The following BARD1 variants were observed in gnomAD, a reference collection of about 807,000 sequenced individuals.
BARD1 encodes the protein BRCA1 associated RING domain 1.
BARD1 carries 73 observed loss-of-function variants against 77.0 expected under a neutral mutation model. The ratio of observed to expected loss-of-function variants is 0.95; its 90% CI spans 0.79 to 1.15. The LOEUF (loss-of-function observed/expected upper bound fraction) is 1.15. BARD1 is among the 50% of genes most tolerant of loss of function. The pLI is 0.00. For synonymous variants in BARD1, 384 were observed against 338.0 expected, an observed-to-expected ratio of 1.14 and a Z score of -1.49; for missense variants, 993 against 938.8, an observed-to-expected ratio of 1.06 and a Z score of -0.75.
At chr2:214,742,399 T>C (rs942475891) in intron 9 of BARD1, among the ~76,000 whole-genome samples, 6 of 152,164 alleles carry the variant, frequency 3.9e-5, no homozygotes, top group Admixed American at 6.5e-5. Flanking sequence ...GAGAAATATA[T>C]ATTAGGAAAG....
chr2:214,776,702 C>A (rs951560940), intron 4 of BARD1, among the ~76,000 whole-genome samples: 1 of 152,096 alleles, frequency 6.6e-6, no homozygotes, highest in Non-Finnish European at 1.5e-5. Context: ...TGTCCACACA[C>A]GAATAATCCC....
At chr2:214,767,177 A>G (rs1314386262) in intron 6 of BARD1, among the ~76,000 whole-genome samples, 1 of 152,220 alleles carries the variant, frequency 6.6e-6, no homozygotes, top group African/African-American at 2.4e-5. Context: ...GTAGTTGCAT[A>G]GTATTCCATG....
chr2:214,761,260 C>T (rs950757884), intron 6 of BARD1, among the ~76,000 whole-genome samples: 5 of 147,814 alleles, frequency 3.4e-5, no homozygotes, highest in African/African-American at 1.3e-4. Context: ...ACATTCTATT[C>T]ATGTTCCAGA....
chr2:214,781,431 C>T lies in BARD1; in HGVS notation c.443G>A (p.Ser148Asn), dbSNP rs1220764138. Residue 148 changes from serine (S) to asparagine (N), a missense_variant, in exon 4 of 11, where the codon AGC becomes AAC. Physicochemically the swap from Ser to Asn is conservative, Grantham distance 46. Transcript: ENST00000260947. Reference sequence around the variant, plus strand: ...ATATCTGACTTTCTTACTTCGAGGGCTAAACCACATTTTAATTGAATTCTT... The same window carrying T: ...ATATCTGACTTTCTTACTTCGAGGGTTAAACCACATTTTAATTGAATTCTT... The part of the protein sequence containing the change: ...NKKNSIKMWF[S>N]PRSKKVRYVV... 4.3e-6 allele frequency: 7 copies of T among 1,613,442 alleles called. No individual in the cohort carries two copies. In the Admixed American group the frequency reaches 8.3e-5, roughly 19 times the overall value.
chr2:214,765,237 T>A (rs1694143008), intron 6 of BARD1, among the ~76,000 whole-genome samples: 1 of 152,146 alleles, frequency 6.6e-6, no homozygotes, highest in Non-Finnish European at 1.5e-5. Context: ...CAGATATACC[T>A]AAATTTGCCA....
At chr2:214,753,827 G>A (rs1177799187) in intron 6 of BARD1, among the ~76,000 whole-genome samples, 1 of 152,084 alleles carries the variant, frequency 6.6e-6, no homozygotes, top group Non-Finnish European at 1.5e-5. Context: ...TGACTATCAG[G>A]TCCAATTGCT....
intron 3 of BARD1, among the ~76,000 whole-genome samples, chr2:214,784,566 AC>A: frequency 6.6e-6 from 1 of 152,322 alleles, no homozygotes; most frequent in East Asian, 1.9e-4. Flanking sequence ...TACTATAAAG[AC>A]ACATGCACAT....
At chr2:214,769,338 T>A in intron 4 of BARD1, 26 bp from the exon 5 acceptor site, 1 of 1,553,386 alleles carries the variant, frequency 6.4e-7, no homozygotes, top group Non-Finnish European at 8.9e-7. Context: ...AAACGGAAAT[T>A]AAAAAGCATT....
chr2:214,738,925 G>T (rs891594570), intron 9 of BARD1, among the ~76,000 whole-genome samples: 3 of 152,008 alleles, frequency 2.0e-5, no homozygotes, highest in Non-Finnish European at 4.4e-5. Flanking sequence ...CAGGAAGACC[G>T]CTTGAAACAA....
At chr2:214,783,271 T>G (rs961457251) in intron 3 of BARD1, among the ~76,000 whole-genome samples, 2 of 152,080 alleles carry the variant, frequency 1.3e-5, no homozygotes, top group African/African-American at 2.4e-5. Flanking sequence ...GCAACTGTAG[T>G]AAGTTTAAGG....
At chr2:214,740,594 A>G (rs1401049127) in intron 9 of BARD1, among the ~76,000 whole-genome samples, 2 of 152,024 alleles carry the variant, frequency 1.3e-5, no homozygotes, top group African/African-American at 2.4e-5. Context: ...AATTTAAACA[A>G]TTCTATTTTT....
chr2:214,756,054 T>C (rs374566115), intron 6 of BARD1, among the ~76,000 whole-genome samples: 102 of 152,302 alleles, frequency 6.7e-4, no homozygotes, highest in African/African-American at 2.4e-3. Context: ...ATGTAGATAA[T>C]ATACTTTACC....
chr2:214,801,971 A>G (rs994264395), intron 1 of BARD1, among the ~76,000 whole-genome samples: 1 of 151,696 alleles, frequency 6.6e-6, no homozygotes, highest in Non-Finnish European at 1.5e-5. Flanking sequence ...AAATCCTCCC[A>G]TCTCAGCCTC....
intron 9 of BARD1, among the ~76,000 whole-genome samples, chr2:214,744,528 T>C (rs943883760): frequency 3.3e-5 from 5 of 152,352 alleles, no homozygotes; most frequent in African/African-American, 1.2e-4. Context: ...TTACTTTTCA[T>C]TGAAATAGTT....
intron 1 of BARD1, 121 bp downstream of exon 1, chr2:214,809,291 G>A: frequency 7.0e-7 from 1 of 1,432,336 alleles, no homozygotes; most frequent in South Asian, 1.2e-5. Context: ...CTAACCGCAC[G>A]CCGACCCGAC....
intron 7 of BARD1, among the ~76,000 whole-genome samples, chr2:214,746,696 C>T (rs957490301): frequency 6.6e-6 from 1 of 152,104 alleles, no homozygotes; most frequent in African/African-American, 2.4e-5. Flanking sequence ...GATGTAACCA[C>T]ATCTAACCTA....
intron 9 of BARD1, among the ~76,000 whole-genome samples, chr2:214,734,429 G>A (rs771803764): frequency 6.6e-6 from 1 of 152,024 alleles, no homozygotes; most frequent in Non-Finnish European, 1.5e-5. Flanking sequence ...TTATTTGATT[G>A]TATATAAGTT....
rs764023867 is a variant in BARD1, at chr2:214,809,496, G to A, written c.74C>T (p.Ala25Val). Residue 25 changes from alanine to valine, a missense_variant, in exon 1 of 11, where the codon GCC becomes GTC. Transcript: ENST00000260947. ...RSGNEPRSAPAMEPDGRGAWA... is the reference protein window; with the variant it reads ...RSGNEPRSAPVMEPDGRGAWA... Reference sequence around the variant, plus strand: ...GGCACCGCGACCATCCGGTTCCATGGCGGGCGCGGAACGAGGCTCGTTCCC... The same window carrying A: ...GGCACCGCGACCATCCGGTTCCATGACGGGCGCGGAACGAGGCTCGTTCCC... The A allele has an allele frequency of 1.2e-6, 2 of 1,607,174 alleles. No individual in the cohort carries two copies. The highest frequency in any genetic ancestry group is 1.1e-5 in the South Asian group (1 of 90,366).
chr2:214,754,232 A>G (rs551881575), intron 6 of BARD1, among the ~76,000 whole-genome samples: 1 of 152,006 alleles, frequency 6.6e-6, no homozygotes, highest in South Asian at 2.1e-4. Flanking sequence ...CAAAACAACA[A>G]CAACATATAA....
Sources: allele counts gnomAD v4.1 joint callset (sites outside exome capture counted in the v4.1 genomes callset), GRCh38; gene constraint gnomAD v4.1.1; transcripts MANE v1.5; gene names NCBI Gene and HGNC (gene_info 2026-07-23, HGNC 2026-07-21).